The following CDH13 variants were observed in gnomAD, a reference collection of about 807,000 sequenced individuals.
The protein encoded by CDH13 is cadherin-13.
CDH13 carries 24 observed loss-of-function variants against 63.8 expected under a neutral mutation model. The observed-to-expected ratio is 0.38, with a 90% confidence interval of 0.27 to 0.53. The LOEUF is 0.53. CDH13 is among the 20% of genes least tolerant of loss of function. CDH13 has a pLI of 0.85. For synonymous variants in CDH13, 503 were observed against 355.3 expected (o/e 1.42, Z -4.67); for missense variants, 1,049 against 903.1 (o/e 1.16, Z -2.07).
chr16:82,668,446 C>G (rs1266245960), intron 1 of CDH13, among the ~76,000 whole-genome samples: 1 of 152,124 alleles, frequency 6.6e-6, no homozygotes, highest in Non-Finnish European at 1.5e-5. Context: ...AGAGCCTGAA[C>G]TGGTAAAGGG....
At chr16:82,669,575 C>T (rs1434749868) in intron 1 of CDH13, among the ~76,000 whole-genome samples, 1 of 152,210 alleles carries the variant, frequency 6.6e-6, no homozygotes, top group Non-Finnish European at 1.5e-5. Context: ...AAATGTTTCT[C>T]ATTAAAAGCA....
intron 5 of CDH13, among the ~76,000 whole-genome samples, chr16:83,271,660 C>G (rs1045125963): frequency 6.6e-6 from 1 of 151,848 alleles, no homozygotes; most frequent in African/African-American, 2.4e-5. Context: ...TCACAATACT[C>G]AAGGGGAAGG....
At chr16:83,652,505 A>T (rs1001348105) in intron 8 of CDH13, among the ~76,000 whole-genome samples, 4 of 152,120 alleles carry the variant, frequency 2.6e-5, no homozygotes, top group African/African-American at 9.7e-5. Flanking sequence ...CACCCCATGG[A>T]AATTGGGAAG....
intron 5 of CDH13, among the ~76,000 whole-genome samples, chr16:83,265,821 G>A (rs1907552655): frequency 7.1e-6 from 1 of 140,696 alleles, no homozygotes; most frequent in African/African-American, 2.6e-5. Flanking sequence ...TCCTCTGAGT[G>A]AAGCACTAAA....
intron 7 of CDH13, among the ~76,000 whole-genome samples, chr16:83,576,841 C>T (rs1905117743): frequency 6.6e-6 from 1 of 152,198 alleles, no homozygotes; most frequent in South Asian, 2.1e-4. Context: ...ATTTTGCCTA[C>T]ATTTTAACTA....
intron 1 of CDH13, among the ~76,000 whole-genome samples, chr16:82,839,566 C>T (rs1005309582): frequency 3.9e-5 from 6 of 152,174 alleles, no homozygotes; most frequent in East Asian, 1.9e-4. Flanking sequence ...CTTGGCCCTG[C>T]TCCAATTACC....
intron 2 of CDH13, among the ~76,000 whole-genome samples, chr16:82,965,316 G>T (rs1907648066): frequency 6.6e-6 from 1 of 152,202 alleles, no homozygotes; most frequent in South Asian, 2.1e-4. Context: ...TGAGCTTGGA[G>T]CTGAACAAGG....
intron 4 of CDH13, chr16:83,180,945 A>G (rs902078496): frequency 6.5e-7 from 1 of 1,531,780 alleles, no homozygotes; most frequent in Non-Finnish European, 8.7e-7. Context: ...ATGCATTACA[A>G]TTTTAGCAAT....
At chr16:83,628,003 A>C (rs1910469447) in intron 8 of CDH13, among the ~76,000 whole-genome samples, 1 of 152,172 alleles carries the variant, frequency 6.6e-6, no homozygotes, top group Non-Finnish European at 1.5e-5. Context: ...GTAAACTGTC[A>C]TAGCGCTGGT....
chr16:83,426,555 A>G (rs1448830458), intron 6 of CDH13, among the ~76,000 whole-genome samples: 1 of 146,172 alleles, frequency 6.8e-6, no homozygotes, highest in African/African-American at 2.5e-5. Context: ...TCATGTGGTT[A>G]CCTTTTTGCC....
intron 8 of CDH13, among the ~76,000 whole-genome samples, chr16:83,669,743 T>C (rs1265221887): frequency 6.6e-6 from 1 of 152,256 alleles, no homozygotes; most frequent in Non-Finnish European, 1.5e-5. Context: ...CTCAAATTAC[T>C]TTTCTTTGAA....
chr16:82,804,182 C>G (rs551090196), intron 1 of CDH13, among the ~76,000 whole-genome samples: 1 of 112,940 alleles, frequency 8.9e-6, no homozygotes, highest in Non-Finnish European at 1.8e-5. Context: ...GAGCTGAGAT[C>G]ACGCTACTGC....
At chr16:83,468,609 G>A (rs2073377525) in intron 6 of CDH13, among the ~76,000 whole-genome samples, 1 of 152,192 alleles carries the variant, frequency 6.6e-6, no homozygotes, top group Admixed American at 6.5e-5. Context: ...CTTGTGTGAG[G>A]CGTAGGGCAA....
At chr16:83,200,706 A>C (rs757466941) in intron 4 of CDH13, among the ~76,000 whole-genome samples, 5 of 152,196 alleles carry the variant, frequency 3.3e-5, no homozygotes, top group African/African-American at 1.2e-4. Flanking sequence ...AAAGACTTGC[A>C]TGGATGGTGC....
rs147300630 is a variant in CDH13 at position 83,162,711 on chromosome 16, C to T, written c.483+37210C>T. On this transcript the variant is annotated intron_variant, in intron 4 of 13. Coordinates refer to ENST00000567109, the MANE Select transcript of CDH13 (RefSeq NM_001257.5). ...CCTACACCACTACCACTACCACCAC[C>T]CTCTGACACACATACACACAGATTG... Among the ~76,000 whole-genome samples, 257 of 152,170 alleles carry T rather than the reference C, an allele frequency of 1.7e-3. 2 individuals are homozygous for T. The highest frequency in any genetic ancestry group is 2.7e-3 in the South Asian group (13 of 4,810).
intron 7 of CDH13, among the ~76,000 whole-genome samples, chr16:83,572,857 G>A (rs895776773): frequency 6.6e-6 from 1 of 152,190 alleles, no homozygotes; most frequent in African/African-American, 2.4e-5. Flanking sequence ...AAATTTAAAT[G>A]TGGGAAAGTT....
chr16:83,058,664 C>G (rs545545395), intron 3 of CDH13, among the ~76,000 whole-genome samples: 3 of 152,232 alleles, frequency 2.0e-5, no homozygotes, highest in African/African-American at 4.8e-5. Flanking sequence ...GTGTAAGTGT[C>G]TCCTGTGTAA....
At chr16:83,179,022 A>T (rs1348522984) in intron 4 of CDH13, among the ~76,000 whole-genome samples, 1 of 152,218 alleles carries the variant, frequency 6.6e-6, no homozygotes, top group South Asian at 2.1e-4. Flanking sequence ...CTATTTGTTC[A>T]TAGGACATGT....
At chr16:83,508,426 C>G (rs1299648007) in intron 7 of CDH13, 2 of 153,696 alleles carry the variant, frequency 1.3e-5, no homozygotes, top group Non-Finnish European at 2.9e-5. Context: ...GATGGCTCAC[C>G]CAGATCCCCA....
Sources: allele counts gnomAD v4.1 joint callset (sites outside exome capture counted in the v4.1 genomes callset), GRCh38; gene constraint gnomAD v4.1.1; transcripts MANE v1.5; gene names NCBI Gene and HGNC (gene_info 2026-07-23, HGNC 2026-07-21).